DISC1: variants seen among roughly 807,000 people sequenced by gnomAD.
DISC1 encodes disrupted in schizophrenia 1 protein.
A neutral mutation model predicts 84.5 loss-of-function variants in DISC1; 57 were observed. The observed-to-expected ratio is 0.67, with a 90% confidence interval of 0.55 to 0.84. DISC1 has a LOEUF of 0.84. Ranked by LOEUF, DISC1 falls within the 40% of genes least tolerant of loss-of-function variation. The probability of loss-of-function intolerance (pLI) is 0.00; values close to 1 mark genes in which losing one functional copy is unlikely to be tolerated. For missense variants in DISC1, 1,000 were observed against 1,057.8 expected (o/e 0.95, Z 0.76); for synonymous variants, 411 against 415.2 (o/e 0.99, Z 0.12).
intron 9 of DISC1, among the ~76,000 whole-genome samples, chr1:231,875,406 G>A (rs908011834): frequency 6.6e-6 from 1 of 152,140 alleles, no homozygotes; most frequent in African/African-American, 2.4e-5. Context: ...TCCTCATCCT[G>A]CTGCCTGGGC....
chr1:231,829,886 T>C (rs902859743), intron 9 of DISC1, among the ~76,000 whole-genome samples: 2 of 149,886 alleles, frequency 1.3e-5, no homozygotes, highest in African/African-American at 4.9e-5. Context: ...CACAAGGTGC[T>C]CAGTGGGGGA....
At chr1:231,797,024 T>G (rs2078817496) in intron 7 of DISC1, among the ~76,000 whole-genome samples, 2 of 152,188 alleles carry the variant, frequency 1.3e-5, no homozygotes, top group Admixed American at 6.6e-5. Context: ...CTCTCTTACA[T>G]TTTCTGCTGT....
chr1:231,712,019 T>C (rs1272381553), intron 3 of DISC1, among the ~76,000 whole-genome samples: 1 of 152,092 alleles, frequency 6.6e-6, no homozygotes, highest in Non-Finnish European at 1.5e-5. Context: ...TGACATCAGA[T>C]CATGTCTGAG....
intron 3 of DISC1, among the ~76,000 whole-genome samples, chr1:231,725,941 T>A (rs1030470740): frequency 3.3e-5 from 5 of 151,394 alleles, no homozygotes; most frequent in Non-Finnish European, 5.9e-5. Flanking sequence ...TGTTAGGGAG[T>A]GGCAGATAGG....
chr1:231,715,456 C>G (rs576633124), intron 3 of DISC1, among the ~76,000 whole-genome samples: 1 of 152,338 alleles, frequency 6.6e-6, no homozygotes, highest in African/African-American at 2.4e-5. Flanking sequence ...GTGCCTCTTG[C>G]AACAGATTTT....
rs750026954 is a variant in DISC1 at position 231,694,539 on chromosome 1, TGTCTCTCTCGGCCCTTCA to T, written c.788_805del (p.Ser263_Leu268del). 24 of 1,614,218 alleles carry T rather than the reference TGTCTCTCTCGGCCCTTCA, an allele frequency of 1.5e-5. No homozygotes were observed. The highest frequency in any genetic ancestry group is 1.9e-5 in the Non-Finnish European group (23 of 1,180,022). ...GGACGGGCCTCACGAGGACCCGCGA[TGTCTCTCTCGGCCCTTCA>T]GTCTCTTGGCTACACGGGTCTCTGC... On this transcript the variant is annotated inframe_deletion, in exon 2 of 13. Coordinates refer to ENST00000439617, the MANE Select transcript of DISC1 (RefSeq NM_018662.3).
At chr1:231,880,809 G>A (rs1445993019) in intron 9 of DISC1, among the ~76,000 whole-genome samples, 1 of 152,108 alleles carries the variant, frequency 6.6e-6, no homozygotes, top group African/African-American at 2.4e-5. Flanking sequence ...GGGTGGGTCA[G>A]CTCCTAAGGG....
At position 231,878,893 on chromosome 1, in the gene DISC1, T is replaced by C. The variant is rs540245640; in HGVS notation, c.1981+60376T>C. ...AGGGAGTCATACCATATTTATTCTC[T>C]GTGCCTGGCTTCTTTCACTCAACAA... On this transcript the variant is annotated intron_variant, in intron 9 of 12. Coordinates refer to ENST00000439617, the MANE Select transcript of DISC1 (RefSeq NM_018662.3). Among the ~76,000 whole-genome samples the C allele has an allele frequency of 5.9e-5, 9 of 152,320 alleles. No individual in the cohort carries two copies. In the South Asian group the frequency reaches 1.9e-3, roughly 32 times the overall value.
At chr1:231,929,925 C>G (rs1368307074) in intron 9 of DISC1, among the ~76,000 whole-genome samples, 6 of 152,138 alleles carry the variant, frequency 3.9e-5, no homozygotes, top group Admixed American at 3.9e-4. Context: ...GCTGCTCAAA[C>G]CTGGCTGCTA....
intron 6 of DISC1, chr1:231,771,284 C>T: frequency 3.0e-6 from 3 of 984,022 alleles, no homozygotes; most frequent in Non-Finnish European, 3.6e-6. Context: ...ACTTAACCCA[C>T]TAAATGCCAG....
At chr1:232,034,574 A>G (rs1469385948) in intron 12 of DISC1, among the ~76,000 whole-genome samples, 1 of 152,230 alleles carries the variant, frequency 6.6e-6, no homozygotes, top group African/African-American at 2.4e-5. Flanking sequence ...CCAGTTCCAG[A>G]AGATTTATCA....
intron 9 of DISC1, among the ~76,000 whole-genome samples, chr1:231,945,672 G>A (rs1471439932): frequency 6.6e-6 from 1 of 152,160 alleles, no homozygotes; most frequent in East Asian, 1.9e-4. Flanking sequence ...ATGAATCCAG[G>A]AGCTGGTTTT....
At chr1:232,019,567 C>A (rs1175112925) in intron 11 of DISC1, among the ~76,000 whole-genome samples, 1 of 152,118 alleles carries the variant, frequency 6.6e-6, no homozygotes, top group Non-Finnish European at 1.5e-5. Context: ...TGCAGGCTTT[C>A]TCTTTTTTGT....
chr1:231,814,338 C>A (rs1395925038), intron 8 of DISC1, among the ~76,000 whole-genome samples: 1 of 152,054 alleles, frequency 6.6e-6, no homozygotes, highest in African/African-American at 2.4e-5. Context: ...ATAAAAAGCA[C>A]CCATTATTTT....
intron 3 of DISC1, among the ~76,000 whole-genome samples, chr1:231,726,277 A>G (rs1160680749): frequency 8.5e-5 from 13 of 152,228 alleles, no homozygotes; most frequent in Admixed American, 7.9e-4. Context: ...GCTTGGGTAT[A>G]TGGCAACAGT....
intron 9 of DISC1, among the ~76,000 whole-genome samples, chr1:231,868,778 A>C (rs1197997209): frequency 6.8e-6 from 1 of 147,674 alleles, no homozygotes; most frequent in Non-Finnish European, 1.5e-5. Context: ...CTGGTCACTC[A>C]GGAGGCTAAG....
At position 231,742,980 on chromosome 1, in the gene DISC1, A is replaced by G. The variant is rs146186580; in HGVS notation, c.1118-6946A>G. ...CAGCATGGAACATAGCTAATCACAGATATTTTCTGCGATAACTTATATCTT... is the reference window on the plus strand; with the variant it reads ...CAGCATGGAACATAGCTAATCACAGGTATTTTCTGCGATAACTTATATCTT... On this transcript the variant is annotated intron_variant, in intron 3 of 12. Coordinates refer to ENST00000439617, the MANE Select transcript of DISC1 (RefSeq NM_018662.3). Among the ~76,000 whole-genome samples, 595 of 152,322 alleles carry G rather than the reference A, an allele frequency of 3.9e-3. 5 individuals are homozygous for G. Among genetic ancestry groups the G allele is most frequent in the African/African-American group, 0.014 (564 of 41,562 alleles).
chr1:232,018,578 T>C (rs533962041), intron 11 of DISC1, among the ~76,000 whole-genome samples: 1 of 152,298 alleles, frequency 6.6e-6, no homozygotes, highest in Admixed American at 6.5e-5. Context: ...GCTCCCTGAG[T>C]TGGGTGAGCA....
chr1:231,844,749 C>T (rs569943468), intron 9 of DISC1, among the ~76,000 whole-genome samples: 2 of 151,854 alleles, frequency 1.3e-5, no homozygotes, highest in East Asian at 3.9e-4. Context: ...ACACGTGAAA[C>T]CCCGTCTCTA....
Sources: allele counts gnomAD v4.1 joint callset (sites outside exome capture counted in the v4.1 genomes callset), GRCh38; gene constraint gnomAD v4.1.1; transcripts MANE v1.5; gene names NCBI Gene and HGNC (gene_info 2026-07-23, HGNC 2026-07-21).